HDAC8: variants seen among roughly 807,000 people sequenced by gnomAD.
HDAC8 encodes the protein histone deacetylase 8.
HDAC8 carries 1 observed loss-of-function variant against 32.2 expected under a neutral mutation model. The observed-to-expected ratio is 0.03, with a 90% CI of 0.01 to 0.15. HDAC8 has a LOEUF of 0.15. HDAC8 is among the 10% of genes least tolerant of loss of function. HDAC8 has a pLI of 1.00. For missense variants in HDAC8, 117 were observed against 300.0 expected (o/e 0.39, Z 4.51); for synonymous variants, 108 against 113.9 (o/e 0.95, Z 0.33).
intron 7 of HDAC8, among the ~76,000 whole-genome samples, chrX:72,473,078 ACTT>A (rs1555998608): frequency 8.9e-6 from 1 of 112,516 alleles, no homozygotes; most frequent in African/African-American, 3.2e-5. Flanking sequence ...TGATAAAGTT[ACTT>A]CTTAATTCAA....
intron 9 of HDAC8, among the ~76,000 whole-genome samples, chrX:72,440,839 G>A (rs782259527): frequency 4.4e-5 from 5 of 112,522 alleles, no homozygotes; most frequent in African/African-American, 9.7e-5. Flanking sequence ...CTAATACTGC[G>A]CTTTTCCGAT....
At chrX:72,355,249 T>C (rs149309648) in intron 9 of HDAC8, among the ~76,000 whole-genome samples, 1,626 of 111,918 alleles carry the variant, frequency 0.015, 14 homozygotes, top group Non-Finnish European at 0.026. Context: ...TGGCTAGAAC[T>C]AGAAATAGCT....
intron 4 of HDAC8, among the ~76,000 whole-genome samples, chrX:72,535,454 C>T (rs2050492616): frequency 9.0e-6 from 1 of 110,944 alleles, no homozygotes; most frequent in African/African-American, 3.3e-5. Context: ...TCTCTCTAGA[C>T]AGTACTCATA....
chrX:72,428,175 C>A (rs2046705144), intron 9 of HDAC8, among the ~76,000 whole-genome samples: 1 of 112,184 alleles, frequency 8.9e-6, no homozygotes, highest in South Asian at 3.7e-4. Context: ...CTCACTGCAA[C>A]CTCCGCCTCC....
In HDAC8 at chrX:72,551,398, TTTTTG is replaced by T. The variant is rs782041968; in HGVS notation, c.437+16486_437+16490del. On this transcript the variant is annotated intron_variant, in intron 4 of 10. Coordinates refer to ENST00000373573, the MANE Select transcript of HDAC8 (RefSeq NM_018486.3). ...CAAAAGCCATGAATCTTTTATATAT[TTTTTG>T]TTTTAAGAATTAGTGCATTGTTATA... 2.7e-5 allele frequency among the ~76,000 whole-genome samples: 3 copies of T among 112,178 alleles called. No homozygotes were observed. In the Admixed American group the frequency reaches 2.8e-4, roughly 11 times the overall value.
In HDAC8 at chrX:72,329,806, T is replaced by G. The variant is rs782547290; in HGVS notation, c.*248A>C. ...AAAAATTTCATTTGTGTGTGTGTGT[T>G]TTTTTAAATAAGAACTTTAAATGTG... On this transcript the variant is annotated 3_prime_UTR_variant, in exon 11 of 11. Coordinates refer to ENST00000373573, the MANE Select transcript of HDAC8 (RefSeq NM_018486.3). The G allele has an allele frequency of 1.5e-4, 157 of 1,065,128 alleles. No homozygotes were observed. The South Asian group carries it at 2.1e-3, about 14-fold the overall frequency. 87.8% of individuals were successfully genotyped at this position (1,065,128 alleles called of 1,213,427 possible).
intron 4 of HDAC8, among the ~76,000 whole-genome samples, chrX:72,552,472 G>A (rs1241240685): frequency 3.6e-5 from 4 of 111,129 alleles, no homozygotes; most frequent in African/African-American, 1.3e-4. Flanking sequence ...TTAGCCAGGC[G>A]TGGTGGCATG....
intron 9 of HDAC8, among the ~76,000 whole-genome samples, chrX:72,400,821 G>A (rs782409195): frequency 2.7e-5 from 3 of 111,516 alleles, no homozygotes; most frequent in East Asian, 2.8e-4. Context: ...TGTTGCCCTC[G>A]GCAGCTACTA....
At chrX:72,330,257 T>C (rs1455372231) in intron 10 of HDAC8, among the ~76,000 whole-genome samples, 181 bp from the exon 11 acceptor site, 2 of 111,367 alleles carry the variant, frequency 1.8e-5, no homozygotes, top group Admixed American at 9.6e-5. Flanking sequence ...GAGAAACAAA[T>C]GGCCCAGAGA....
chrX:72,329,596 G>A lies in HDAC8; in HGVS notation c.*458C>T. The stretch of plus-strand genomic sequence containing the variant: ...CCAGCGGACTTCTCCCCACCTCCCA[G>A]TCTGCTGATCAGTACCCTCTCTCCC... On this transcript the variant is annotated 3_prime_UTR_variant, in exon 11 of 11. Transcript: ENST00000373573. 3.7e-6 allele frequency: 4 copies of A among 1,071,348 alleles called. No individual in the cohort carries two copies. The highest frequency in any genetic ancestry group is 5.0e-6 in the Non-Finnish European group (4 of 795,912). 88.3% of individuals were successfully genotyped at this position (1,071,348 alleles called of 1,213,427 possible). A position where few individuals can be genotyped will look rare whatever the true frequency, so the allele number is the denominator to read the frequency against.
intron 8 of HDAC8, among the ~76,000 whole-genome samples, chrX:72,463,866 A>G (rs1355740137): frequency 8.9e-6 from 1 of 112,112 alleles, no homozygotes; most frequent in Non-Finnish European, 1.9e-5. Flanking sequence ...TATTCATCCA[A>G]TGAAATAAAG....
chrX:72,348,436 T>C (rs1555947716), intron 10 of HDAC8, among the ~76,000 whole-genome samples: 1 of 112,475 alleles, frequency 8.9e-6, no homozygotes, highest in African/African-American at 3.2e-5. Flanking sequence ...ACCATTGTCA[T>C]GGCAACGCAC....
At chrX:72,351,479 T>A (rs1293258081) in intron 10 of HDAC8, among the ~76,000 whole-genome samples, 3 of 112,227 alleles carry the variant, frequency 2.7e-5, no homozygotes, top group Non-Finnish European at 5.6e-5. Flanking sequence ...TAGAGCTGAT[T>A]TTCCCCTGGC....
intron 10 of HDAC8, among the ~76,000 whole-genome samples, chrX:72,334,445 A>G (rs1047553885): frequency 8.9e-6 from 1 of 111,847 alleles, no homozygotes; most frequent in Non-Finnish European, 1.9e-5. Flanking sequence ...CTAGAGTAAG[A>G]GATACAAAAG....
intron 10 of HDAC8, among the ~76,000 whole-genome samples, chrX:72,348,532 A>T (rs1343698826): frequency 8.9e-6 from 1 of 112,179 alleles, no homozygotes; most frequent in Non-Finnish European, 1.9e-5. Context: ...CAACATTTGG[A>T]CTTCTTTCTA....
intron 7 of HDAC8, among the ~76,000 whole-genome samples, chrX:72,479,205 GCAAAAC>G (rs1358349189): frequency 8.9e-6 from 1 of 111,870 alleles, no homozygotes; most frequent in Non-Finnish European, 1.9e-5. Flanking sequence ...ACATGTCGAA[GCAAAAC>G]GTAAACAGTA....
intron 9 of HDAC8, among the ~76,000 whole-genome samples, chrX:72,450,312 A>T (rs140555330): frequency 0.011 from 1,225 of 112,363 alleles, 23 homozygotes; most frequent in African/African-American, 0.038. Context: ...TCTCTGTGAT[A>T]ATGGAACAGC....
chrX:72,349,177 T>C (rs1054977670), intron 10 of HDAC8, among the ~76,000 whole-genome samples: 1 of 112,518 alleles, frequency 8.9e-6, no homozygotes, highest in African/African-American at 3.2e-5. Context: ...CCCTTTGCAC[T>C]GTGACAGATA....
chrX:72,384,499 G>T (rs925418908), intron 9 of HDAC8, among the ~76,000 whole-genome samples: 3 of 111,188 alleles, frequency 2.7e-5, no homozygotes, highest in Non-Finnish European at 5.7e-5. Context: ...GCATTGGGGT[G>T]GGGGGTACAA....
Sources: gnomAD v4.1 joint callset for allele counts (sites outside exome capture counted in the v4.1 genomes callset) on GRCh38, gnomAD v4.1.1 for gene constraint, MANE v1.5 for transcripts, NCBI Gene and HGNC (gene_info 2026-07-23, HGNC 2026-07-21) for gene names.